Variants in GARIN1A observed in about 807,000 individuals in gnomAD.
GARIN1A encodes golgi associated RAB2 interactor 1A.
At chr7:128,696,681 A>G in the GARIN1A span, among the ~76,000 whole-genome samples, 2 of 152,176 alleles carry the variant, frequency 1.3e-5, no homozygotes, top group African/African-American at 4.8e-5. Flanking sequence ...AAGAAAAAGG[A>G]TTCTAGGTCA....
chr7:128,688,770 TCCCCTC>T, the GARIN1A span, among the ~76,000 whole-genome samples: 135 of 7,002 alleles, frequency 0.019, 3 homozygotes, highest in Middle Eastern at 0.1. Context: ...CCCCTCCCCC[TCCCCTC>T]CCCCTCCCCC....
chr7:128,702,557 G>C, the GARIN1A span, among the ~76,000 whole-genome samples: 1 of 152,072 alleles, frequency 6.6e-6, no homozygotes, highest in African/African-American at 2.4e-5. Flanking sequence ...ATATGTATAA[G>C]ATAATAGAGA....
the GARIN1A span, among the ~76,000 whole-genome samples, chr7:128,688,857 G>C: frequency 7.0e-6 from 1 of 142,256 alleles, no homozygotes; most frequent in Non-Finnish European, 1.5e-5. Flanking sequence ...CCGAGCCGAA[G>C]CTGGACTGTG....
At chr7:128,681,227 G>A in the GARIN1A span, among the ~76,000 whole-genome samples, 3 of 152,272 alleles carry the variant, frequency 2.0e-5, no homozygotes, top group Non-Finnish European at 2.9e-5. Context: ...AATATCTAAT[G>A]TCTGAAAACT....
chr7:128,676,300 G>T, the GARIN1A span, among the ~76,000 whole-genome samples: 1 of 151,808 alleles, frequency 6.6e-6, no homozygotes, highest in Non-Finnish European at 1.5e-5. Context: ...GTGAGCCACC[G>T]CGCCTGACCT....
chr7:128,689,381 G>A, the GARIN1A span, among the ~76,000 whole-genome samples: 2 of 149,664 alleles, frequency 1.3e-5, no homozygotes, highest in Non-Finnish European at 3.0e-5. Flanking sequence ...GCCGCCCATC[G>A]TCTGAGATGT....
the GARIN1A span, chr7:128,672,581 T>C: frequency 4.4e-6 from 7 of 1,573,438 alleles, no homozygotes; most frequent in Non-Finnish European, 6.0e-6. Flanking sequence ...GCCAGCTGTC[T>C]TTCTGTTTCC....
At chr7:128,709,086 A>G in the GARIN1A span, 1 of 148,534 alleles carries the variant, frequency 6.7e-6, no homozygotes, top group Non-Finnish European at 1.5e-5. Context: ...ACCGGCCAGG[A>G]TGCAGACATA....
the GARIN1A span, chr7:128,683,023 T>G: frequency 1.2e-6 from 2 of 1,610,582 alleles, no homozygotes; most frequent in Non-Finnish European, 1.7e-6. Flanking sequence ...CCCTCTCCAG[T>G]GGCATCTCCA....
At chr7:128,679,834 G>C in the GARIN1A span, among the ~76,000 whole-genome samples, 1 of 152,194 alleles carries the variant, frequency 6.6e-6, no homozygotes, top group African/African-American at 2.4e-5. Flanking sequence ...CAGTTGACCA[G>C]GGAGCAGGTG....
At chr7:128,672,288 G>T in the GARIN1A span, 1 of 900,296 alleles carries the variant, frequency 1.1e-6, no homozygotes. Context: ...GTAAGTAAAT[G>T]GGGAGGAAAT....
At chr7:128,682,953 G>C in the GARIN1A span, 2 of 1,552,510 alleles carry the variant, frequency 1.3e-6, no homozygotes, top group Non-Finnish European at 1.7e-6. Context: ...AAATTCCCTG[G>C]GCTCCTACAG....
At chr7:128,706,507 T>G in the GARIN1A span, among the ~76,000 whole-genome samples, 6 of 152,052 alleles carry the variant, frequency 3.9e-5, no homozygotes, top group Non-Finnish European at 8.8e-5. Context: ...CTCTATTTAT[T>G]TATATATTTT....
At chr7:128,673,261 T>C in the GARIN1A span, among the ~76,000 whole-genome samples, 1 of 152,026 alleles carries the variant, frequency 6.6e-6, no homozygotes, top group Non-Finnish European at 1.5e-5. Context: ...AGCCTATGAG[T>C]TTGGTTTACC....
chr7:128,676,093 C>T, the GARIN1A span, among the ~76,000 whole-genome samples: 1 of 149,192 alleles, frequency 6.7e-6, no homozygotes, highest in Non-Finnish European at 1.5e-5. Flanking sequence ...GATCTCGGCT[C>T]ACTGCAAGCC....
chr7:128,694,093 C>A, the GARIN1A span, among the ~76,000 whole-genome samples: 19 of 152,280 alleles, frequency 1.2e-4, no homozygotes, highest in East Asian at 3.5e-3. Flanking sequence ...GGGCGTGGTG[C>A]CTGTTTTCAA....
At chr7:128,676,894 A>G in the GARIN1A span, among the ~76,000 whole-genome samples, 2 of 151,996 alleles carry the variant, frequency 1.3e-5, no homozygotes, top group Non-Finnish European at 2.9e-5. Context: ...TTATCTTGGC[A>G]GGGCACAGTG....
the GARIN1A span, among the ~76,000 whole-genome samples, chr7:128,707,544 G>A: frequency 1.3e-5 from 2 of 152,090 alleles, no homozygotes; most frequent in South Asian, 2.1e-4. Flanking sequence ...ATGGCTCACT[G>A]CAGCCTCAAT....
At chr7:128,695,192 G>A in the GARIN1A span, among the ~76,000 whole-genome samples, 1 of 152,162 alleles carries the variant, frequency 6.6e-6, no homozygotes, top group African/African-American at 2.4e-5. The surrounding 1 kb of genome is among the most constrained non-coding windows in gnomAD (Gnocchi z 4.5). Flanking sequence ...CCCCAGGCCA[G>A]GCCAAGCCAC....
Sources: allele counts gnomAD v4.1 joint callset (sites outside exome capture counted in the v4.1 genomes callset), GRCh38; gene constraint gnomAD v4.1.1; non-coding constraint Gnocchi (gnomAD v3.1); transcripts MANE v1.5; gene names NCBI Gene and HGNC (gene_info 2026-07-23, HGNC 2026-07-21).